Variants in NTNG1 observed in about 807,000 individuals in gnomAD.
NTNG1 encodes netrin-G1.
A neutral mutation model predicts 54.0 loss-of-function variants in NTNG1; 16 were observed. That is an observed-to-expected ratio of 0.30 (90% CI 0.20 to 0.45). The LOEUF is 0.45. NTNG1 is among the 20% of genes least tolerant of loss of function. The probability of loss-of-function intolerance (pLI) is 1.00; values close to 1 mark genes in which losing one functional copy is unlikely to be tolerated. For missense variants in NTNG1, 530 were observed against 678.7 expected, an observed-to-expected ratio of 0.78 and a Z score of 2.43; for synonymous variants, 255 against 263.1, an observed-to-expected ratio of 0.97 and a Z score of 0.30.
chr1:107,253,118 G>C (rs893889762), intron 2 of NTNG1, among the ~76,000 whole-genome samples: 2 of 152,178 alleles, frequency 1.3e-5, no homozygotes, highest in Non-Finnish European at 2.9e-5. Context: ...TTCCAGAACA[G>C]ACCTACAAGT....
chr1:107,245,361 C>T (rs923431304), intron 2 of NTNG1, among the ~76,000 whole-genome samples: 1 of 152,182 alleles, frequency 6.6e-6, no homozygotes, highest in Non-Finnish European at 1.5e-5. Flanking sequence ...GTATTTTTCT[C>T]ATTCTGGTAA....
chr1:107,175,366 G>A (rs1656569898), intron 2 of NTNG1, among the ~76,000 whole-genome samples: 1 of 152,154 alleles, frequency 6.6e-6, no homozygotes, highest in Non-Finnish European at 1.5e-5. Context: ...ACAGCAGGTA[G>A]TAACCTGCCT....
At chr1:107,321,260 G>A (rs190012789) in intron 2 of NTNG1, among the ~76,000 whole-genome samples, 254 of 152,216 alleles carry the variant, frequency 1.7e-3, no homozygotes, top group African/African-American at 5.8e-3. Flanking sequence ...TGTATCTTGA[G>A]AGCCAAGCTG....
At chr1:107,452,637 G>A (rs981153789) in intron 7 of NTNG1, among the ~76,000 whole-genome samples, 2 of 152,154 alleles carry the variant, frequency 1.3e-5, no homozygotes, top group African/African-American at 2.4e-5. Flanking sequence ...GAATGGATTA[G>A]TTCCCTTGAT....
At chr1:107,261,165 T>C (rs1663294749) in intron 2 of NTNG1, 1 of 152,224 alleles carries the variant, frequency 6.6e-6, no homozygotes, top group Admixed American at 6.5e-5. Context: ...TACCAGGTCC[T>C]GGGTCCTGTG....
intron 3 of NTNG1, among the ~76,000 whole-genome samples, chr1:107,378,264 G>A (rs1031208815): frequency 1.3e-5 from 2 of 152,184 alleles, no homozygotes; most frequent in Non-Finnish European, 2.9e-5. Context: ...CCCAGCCTCA[G>A]CACATTGCCT....
chr1:107,381,309 T>C (rs1671629622), intron 3 of NTNG1, among the ~76,000 whole-genome samples: 1 of 134,862 alleles, frequency 7.4e-6, no homozygotes. Flanking sequence ...TCAAATCCAG[T>C]TTTCTCTAAC....
intron 5 of NTNG1, among the ~76,000 whole-genome samples, chr1:107,413,118 CTTTT>C (rs1673943323): frequency 6.7e-6 from 1 of 149,058 alleles, no homozygotes; most frequent in East Asian, 2.0e-4. Flanking sequence ...GATTTCTTTT[CTTTT>C]CTTTTCTTTT....
At chr1:107,196,909 A>G (rs1658379595) in intron 2 of NTNG1, among the ~76,000 whole-genome samples, 1 of 151,896 alleles carries the variant, frequency 6.6e-6, no homozygotes, top group African/African-American at 2.4e-5. Flanking sequence ...TGTCAGACTA[A>G]GAGCCTATGA....
chr1:107,231,696 G>A (rs1661081766), intron 2 of NTNG1, among the ~76,000 whole-genome samples: 1 of 152,054 alleles, frequency 6.6e-6, no homozygotes, highest in Non-Finnish European at 1.5e-5. Flanking sequence ...GTTCAGGCCA[G>A]TGAGGTGTGC....
At chr1:107,403,840 C>A (rs909682022) in intron 4 of NTNG1, among the ~76,000 whole-genome samples, 2 of 152,018 alleles carry the variant, frequency 1.3e-5, no homozygotes. Flanking sequence ...GCACTTGAGT[C>A]TCTTTGTGCC....
intron 2 of NTNG1, among the ~76,000 whole-genome samples, chr1:107,307,276 A>G (rs945319518): frequency 1.1e-4 from 16 of 152,176 alleles, no homozygotes; most frequent in African/African-American, 3.9e-4. Context: ...TCATGCCTCC[A>G]TTTTATTAAC....
chr1:107,342,618 T>C (rs1160301879), intron 3 of NTNG1, among the ~76,000 whole-genome samples: 1 of 152,130 alleles, frequency 6.6e-6, no homozygotes, highest in Non-Finnish European at 1.5e-5. Flanking sequence ...TGGATAATGT[T>C]GAAAAACTCA....
intron 5 of NTNG1, among the ~76,000 whole-genome samples, chr1:107,427,369 T>G (rs774984332): frequency 6.6e-6 from 1 of 152,058 alleles, no homozygotes; most frequent in Non-Finnish European, 1.5e-5. Flanking sequence ...GGTCAGTGAT[T>G]TGAAGAATCA....
intron 3 of NTNG1, 138 bp from the exon 4 acceptor site, chr1:107,395,016 C>T (rs1672591385): frequency 1.4e-6 from 1 of 708,490 alleles, no homozygotes; most frequent in African/African-American, 1.8e-5. Context: ...AGGGCTGGGC[C>T]TGCAAATCTA....
At chr1:107,340,067 T>G (rs1668809648) in intron 3 of NTNG1, among the ~76,000 whole-genome samples, 1 of 152,076 alleles carries the variant, frequency 6.6e-6, no homozygotes, top group Non-Finnish European at 1.5e-5. Context: ...GACGTTCTGA[T>G]AGTCTCAATT....
At chr1:107,457,864 T>C (rs1677048533) in intron 7 of NTNG1, among the ~76,000 whole-genome samples, 1 of 152,102 alleles carries the variant, frequency 6.6e-6, no homozygotes, top group Non-Finnish European at 1.5e-5. Flanking sequence ...GCTTTTTGTG[T>C]TATGAGTACT....
At chr1:107,290,552 A>G (rs1483941480) in intron 2 of NTNG1, among the ~76,000 whole-genome samples, 2 of 152,118 alleles carry the variant, frequency 1.3e-5, no homozygotes, top group Non-Finnish European at 1.5e-5. Context: ...CTTGCCTTAA[A>G]AGTGTATTAT....
chr1:107,362,480 T>C (rs1326009737), intron 3 of NTNG1, among the ~76,000 whole-genome samples: 2 of 152,220 alleles, frequency 1.3e-5, no homozygotes, highest in African/African-American at 4.8e-5. Context: ...GCCTCCACTA[T>C]GGGGTTGCCG....
Sources: allele counts gnomAD v4.1 joint callset (sites outside exome capture counted in the v4.1 genomes callset), GRCh38; gene constraint gnomAD v4.1.1; transcripts MANE v1.5; gene names NCBI Gene and HGNC (gene_info 2026-07-23, HGNC 2026-07-21).